TMEM39A: variants seen among roughly 807,000 people sequenced by gnomAD.
TMEM39A encodes transmembrane protein 39A, also known as suppressor of SQST-1 aggregates in rpl-43 mutants.
A neutral mutation model predicts 51.9 loss-of-function variants in TMEM39A; 19 were observed. The observed-to-expected ratio is 0.37, with a 90% CI of 0.26 to 0.54. TMEM39A has a LOEUF of 0.54. Ranked by LOEUF, TMEM39A falls within the 20% of genes least tolerant of loss-of-function variation. The pLI, the probability that TMEM39A is intolerant of heterozygous loss-of-function variation, is 0.88. For synonymous variants in TMEM39A, 197 were observed against 220.2 expected (o/e 0.89, Z 0.93); for missense variants, 433 against 590.5 (o/e 0.73, Z 2.76).
At chr3:119,433,162 C>T (rs1291291139) in intron 8 of TMEM39A, among the ~76,000 whole-genome samples, 16 of 152,112 alleles carry the variant, frequency 1.1e-4, no homozygotes, top group Non-Finnish European at 1.8e-4. Context: ...AGAGCTTACA[C>T]CTCAGAATGA....
At chr3:119,441,239 G>A (rs2081049296) in intron 5 of TMEM39A, among the ~76,000 whole-genome samples, 1 of 152,204 alleles carries the variant, frequency 6.6e-6, no homozygotes, top group Non-Finnish European at 1.5e-5. Context: ...AAATCAAAAA[G>A]TGGATATTAA....
rs1017767315 is a variant in TMEM39A at position 119,438,000 on chromosome 3, T to A, written c.679A>T (p.Ser227Cys). ...GCCAAGCCTCCCACAGTCGAGGCAC[T>A]TTCCTCTACTGCCTCGTGCTGAACC... ...YVVQHEAVEE[S>C]ASTVGGLAKS... The change falls in exon 6 of 9, where the codon AGT (serine) becomes TGT (cysteine). Residue 227 changes from serine (S) to cysteine (C), a missense_variant. Coordinates refer to ENST00000319172, the MANE Select transcript of TMEM39A (RefSeq NM_018266.3). 1.2e-6 allele frequency: 2 copies of A among 1,614,066 alleles called. No homozygotes were observed. The highest frequency in any genetic ancestry group is 1.7e-6 in the Non-Finnish European group (2 of 1,180,020).
chr3:119,455,450 C>T (rs111812128), intron 3 of TMEM39A, among the ~76,000 whole-genome samples: 100 of 152,314 alleles, frequency 6.6e-4, no homozygotes, highest in African/African-American at 2.1e-3. Context: ...AGTGTGCGTT[C>T]CTCTACTGCA....
At chr3:119,447,274 G>T (rs1472581712) in intron 4 of TMEM39A, 102 bp from the exon 5 acceptor site, 2 of 1,210,106 alleles carry the variant, frequency 1.7e-6, no homozygotes, top group Non-Finnish European at 2.3e-6. Flanking sequence ...AAGCTAAAAT[G>T]TGTCTTTAAA....
intron 7 of TMEM39A, chr3:119,435,475 T>C (rs2080956308): frequency 2.0e-6 from 2 of 985,128 alleles, no homozygotes; most frequent in East Asian, 1.1e-4. Context: ...TTTATTTTTA[T>C]AGAGGTTTCT....
chr3:119,447,316 AC>A (rs2081140785), intron 4 of TMEM39A, 144 bp from the exon 5 acceptor site: 1 of 745,876 alleles, frequency 1.3e-6, no homozygotes, highest in Admixed American at 3.3e-5. Context: ...GCCCCATCCC[AC>A]CTTATCTTCG....
chr3:119,457,056 C>T (rs1367584707), intron 3 of TMEM39A, among the ~76,000 whole-genome samples: 2 of 151,892 alleles, frequency 1.3e-5, no homozygotes, highest in South Asian at 4.2e-4. Context: ...CTGCAAGCTC[C>T]ACCTCCCGGG....
intron 7 of TMEM39A, chr3:119,435,431 A>T (rs2080955464): frequency 5.3e-6 from 5 of 946,864 alleles, no homozygotes; most frequent in South Asian, 4.8e-5. Context: ...GATACATCTC[A>T]CACACACACA....
At chr3:119,432,241 A>G in intron 8 of TMEM39A, 27 bp from the exon 9 acceptor site, 2 of 1,512,738 alleles carry the variant, frequency 1.3e-6, no homozygotes, top group Non-Finnish European at 9.0e-7. Flanking sequence ...AAAGTAAAAC[A>G]TTATTTCATA....
At position 119,435,844 on chromosome 3, in the gene TMEM39A, T is replaced by G. The variant is rs148878194; in HGVS notation, c.1112+947A>C. 4 of 1,289,240 alleles carry G rather than the reference T, an allele frequency of 3.1e-6. No homozygotes were observed. In the East Asian group the frequency reaches 1.7e-4, roughly 54 times the overall value. 79.9% of individuals were successfully genotyped at this position (1,289,240 alleles called of 1,614,324 possible). ...TAGTACTGTGGATTGTATTTTCAAT[T>G]TTTATTGAAATCTGTCCTTTGCCCA... On this transcript the variant is annotated intron_variant, in intron 7 of 8. Transcript: ENST00000319172.
Position 119,450,298 on chromosome 3 carries a change from C to CCCT in TMEM39A, c.420+2146_420+2148dup, listed in dbSNP as rs144637043. 8.0e-3 allele frequency among the ~76,000 whole-genome samples: 1,215 copies of CCCT among 152,166 alleles called. 22 individuals are homozygous for CCCT. Among genetic ancestry groups the CCCT allele is most frequent in the South Asian group, 0.072 (344 of 4,806 alleles). On this transcript the variant is annotated intron_variant, in intron 4 of 8. Transcript: ENST00000319172. ...CATATATAAGCAAATATATTTTGTT[C>CCCT]CCTCCTGTCTCATTTTAAACACTGT...
intron 7 of TMEM39A, 74 bp downstream of exon 7, chr3:119,436,717 G>A: frequency 7.0e-7 from 1 of 1,437,664 alleles, no homozygotes; most frequent in Non-Finnish European, 9.5e-7. Flanking sequence ...GAACAAGAAT[G>A]ACATACAAAG....
intron 4 of TMEM39A, among the ~76,000 whole-genome samples, chr3:119,449,671 A>G (rs903027237): frequency 5.9e-5 from 9 of 152,018 alleles, no homozygotes; most frequent in Non-Finnish European, 1.2e-4. Flanking sequence ...ATTGTGAGCA[A>G]TTTTTAAATG....
At chr3:119,454,142 T>G (rs2081235348) in intron 3 of TMEM39A, among the ~76,000 whole-genome samples, 1 of 152,218 alleles carries the variant, frequency 6.6e-6, no homozygotes, top group South Asian at 2.1e-4. Context: ...TGGAGTGAGA[T>G]AATTATTGTA....
Position 119,438,115 on chromosome 3 carries a change from A to G in TMEM39A, c.576-12T>C, listed in dbSNP as rs1462890646. On this transcript the variant is annotated splice_polypyrimidine_tract_variant and intron_variant, in intron 5 of 8. Transcript: ENST00000319172. ...CATAAACACCAAACCTGTAAAACAA[A>G]GTGTGAAAATGAGACCACAGATACC... is the stretch of plus-strand genomic sequence containing the variant. 5 of 1,572,296 alleles carry G rather than the reference A, an allele frequency of 3.2e-6. No homozygotes were observed. The highest frequency in any genetic ancestry group is 4.3e-6 in the Non-Finnish European group (5 of 1,150,668).
At chr3:119,443,241 T>C (rs954333371) in intron 5 of TMEM39A, among the ~76,000 whole-genome samples, 1 of 152,086 alleles carries the variant, frequency 6.6e-6, no homozygotes, top group Non-Finnish European at 1.5e-5. Context: ...GTTTAGAATA[T>C]TATATAAACT....
chr3:119,448,420 G>A (rs902529759), intron 4 of TMEM39A, among the ~76,000 whole-genome samples: 1 of 152,170 alleles, frequency 6.6e-6, no homozygotes, highest in African/African-American at 2.4e-5. Context: ...GGGATAAGGA[G>A]CTTTTCAGGT....
intron 2 of TMEM39A, 80 bp from the exon 3 acceptor site, chr3:119,458,320 C>T: frequency 8.6e-7 from 1 of 1,165,832 alleles, no homozygotes. Context: ...GCTGTCTCCT[C>T]CATCTACCCC....
Position 119,457,497 on chromosome 3 carries a change from T to C in TMEM39A, c.336+521A>G, listed in dbSNP as rs1383947168. On this transcript the variant is annotated intron_variant, in intron 3 of 8. Transcript: ENST00000319172. The stretch of plus-strand genomic sequence containing the variant: ...GGCCCATAAGAAACTGTCCTTTACA[T>C]TGCCCTAAGCTCTTTCCCCTTCTGG... Among the ~76,000 whole-genome samples the C allele has an allele frequency of 3.3e-5, 5 of 152,200 alleles. 1 individual carries two copies. Among genetic ancestry groups the C allele is most frequent in the African/African-American group, 9.6e-5 (4 of 41,452 alleles).
Sources: allele counts gnomAD v4.1 joint callset (sites outside exome capture counted in the v4.1 genomes callset), GRCh38; gene constraint gnomAD v4.1.1; transcripts MANE v1.5; gene names NCBI Gene and HGNC (gene_info 2026-07-23, HGNC 2026-07-21).